The following TMEM132D variants were observed in gnomAD, a reference collection of about 807,000 sequenced individuals.
TMEM132D encodes mature OL transmembrane protein.
TMEM132D carries 21 observed loss-of-function variants against 62.3 expected under a neutral mutation model. That is an observed-to-expected ratio of 0.34 (90% CI 0.24 to 0.49). The LOEUF (loss-of-function observed/expected upper bound fraction) is 0.49, where lower values mean the gene tolerates loss of function less well. Among genes scored for constraint, TMEM132D ranks in the 20% least tolerant of loss-of-function variants. The pLI, the probability that TMEM132D is intolerant of heterozygous loss-of-function variation, is 0.99. For missense variants in TMEM132D, 1,346 were observed against 1,402.8 expected (o/e 0.96, Z 0.65); for synonymous variants, 621 against 575.6 (o/e 1.08, Z -1.13).
intron 3 of TMEM132D, among the ~76,000 whole-genome samples, chr12:129,454,558 C>T (rs148221320): frequency 6.6e-6 from 1 of 152,284 alleles, no homozygotes; most frequent in Non-Finnish European, 1.5e-5. Flanking sequence ...ACTTTACAGG[C>T]AAGTGGACAA....
chr12:129,342,919 G>A (rs901599664), intron 3 of TMEM132D, among the ~76,000 whole-genome samples: 2 of 152,176 alleles, frequency 1.3e-5, no homozygotes, highest in African/African-American at 4.8e-5. Flanking sequence ...TAGAAAGTCA[G>A]GAAACAAGAG....
At chr12:129,563,317 G>A (rs184146617) in intron 2 of TMEM132D, among the ~76,000 whole-genome samples, 23 of 152,298 alleles carry the variant, frequency 1.5e-4, no homozygotes, top group Admixed American at 1.3e-3. Context: ...TGTTTTAGAA[G>A]GCATACAGCT....
At chr12:129,302,852 G>C (rs1050490823) in intron 4 of TMEM132D, among the ~76,000 whole-genome samples, 1 of 152,172 alleles carries the variant, frequency 6.6e-6, no homozygotes, top group Admixed American at 6.5e-5. Context: ...CCAAAGGAAA[G>C]TTGTGGATAT....
intron 3 of TMEM132D, among the ~76,000 whole-genome samples, chr12:129,483,781 C>T (rs1874497447): frequency 6.6e-6 from 1 of 152,178 alleles, no homozygotes; most frequent in Non-Finnish European, 1.5e-5. Flanking sequence ...CATTTCATGG[C>T]TGCGTGAGAG....
chr12:129,845,234 G>A (rs2137347966), intron 1 of TMEM132D, among the ~76,000 whole-genome samples: 1 of 152,176 alleles, frequency 6.6e-6, no homozygotes, highest in South Asian at 2.1e-4. Context: ...ATATCCCAGG[G>A]CTAACTAATA....
At chr12:129,165,357 G>A (rs1335714982) in intron 5 of TMEM132D, among the ~76,000 whole-genome samples, 1 of 152,166 alleles carries the variant, frequency 6.6e-6, no homozygotes, top group African/African-American at 2.4e-5. Flanking sequence ...TTCATGGTGT[G>A]TAAAGTCTAC....
intron 3 of TMEM132D, among the ~76,000 whole-genome samples, chr12:129,492,511 C>A (rs1488196763): frequency 6.6e-6 from 1 of 152,102 alleles, no homozygotes; most frequent in Non-Finnish European, 1.5e-5. Context: ...CATGTAGCCC[C>A]CATTCTCTAA....
chr12:129,896,684 G>T (rs71466464), intron 1 of TMEM132D, among the ~76,000 whole-genome samples: 13,823 of 152,038 alleles, frequency 0.091, 1,271 homozygotes, highest in African/African-American at 0.24. Flanking sequence ...GGAACCTCTT[G>T]TCTTTCCAAA....
intron 3 of TMEM132D, among the ~76,000 whole-genome samples, chr12:129,450,397 C>A (rs533687422): frequency 6.6e-6 from 1 of 152,198 alleles, no homozygotes; most frequent in East Asian, 1.9e-4. Flanking sequence ...GTATAACAAA[C>A]CCCCATGTCG....
chr12:129,367,314 C>T (rs1046174745), intron 3 of TMEM132D, among the ~76,000 whole-genome samples: 9 of 152,112 alleles, frequency 5.9e-5, no homozygotes, highest in African/African-American at 1.4e-4. Context: ...TGGCTAGTGG[C>T]GGGCAGGAAG....
intron 3 of TMEM132D, among the ~76,000 whole-genome samples, chr12:129,486,609 G>T (rs1243129884): frequency 6.6e-6 from 1 of 152,182 alleles, no homozygotes; most frequent in Admixed American, 6.5e-5. Context: ...CCCACTCATT[G>T]TGTGTCCAGG....
At chr12:129,309,880 C>T (rs2135634103) in intron 4 of TMEM132D, among the ~76,000 whole-genome samples, 1 of 152,098 alleles carries the variant, frequency 6.6e-6, no homozygotes, top group Admixed American at 6.5e-5. Flanking sequence ...GATACAAAAG[C>T]CATGGTAGAG....
At chr12:129,502,083 T>A (rs940720255) in intron 3 of TMEM132D, among the ~76,000 whole-genome samples, 3 of 151,954 alleles carry the variant, frequency 2.0e-5, no homozygotes, top group African/African-American at 7.3e-5. Context: ...CACTGCAACC[T>A]CCGCCTCCCG....
chr12:129,721,356 T>C (rs935558665), intron 1 of TMEM132D, among the ~76,000 whole-genome samples: 1 of 152,040 alleles, frequency 6.6e-6, no homozygotes. Flanking sequence ...CTGAATTTTA[T>C]GGGATGCAAA....
rs138853819 is a variant in TMEM132D, at chr12:129,140,912, G to A, written c.1444-56210C>T. ...TCAATAGTTCTTTCCTTCTGATCGC[G>A]AGGAAGCATTCATTTGTAAGCCCGT... On this transcript the variant is annotated intron_variant, in intron 5 of 8. Coordinates refer to ENST00000422113, the MANE Select transcript of TMEM132D (RefSeq NM_133448.3). 1.6e-4 allele frequency among the ~76,000 whole-genome samples: 24 copies of A among 152,130 alleles called. No individual in the cohort carries two copies. The East Asian group carries it at 3.7e-3, about 23-fold the overall frequency.
intron 1 of TMEM132D, among the ~76,000 whole-genome samples, chr12:129,707,813 G>A (rs759245717): frequency 3.3e-4 from 51 of 152,318 alleles, no homozygotes; most frequent in Non-Finnish European, 8.8e-5. Context: ...AATTCAACAG[G>A]AAGAGCCAGA....
At chr12:129,795,738 G>A (rs1462784168) in intron 1 of TMEM132D, among the ~76,000 whole-genome samples, 3 of 152,072 alleles carry the variant, frequency 2.0e-5, no homozygotes, top group Admixed American at 2.0e-4. Flanking sequence ...ACATCTAGAG[G>A]TCTCCTTTAC....
In TMEM132D at chr12:129,465,078, C is replaced by T. The variant is rs185336536; in HGVS notation, c.1115+65981G>A. 7.8e-3 allele frequency among the ~76,000 whole-genome samples: 1,187 copies of T among 152,104 alleles called. 19 individuals are homozygous for T. Among genetic ancestry groups the T allele is most frequent in the African/African-American group, 0.027 (1,135 of 41,468 alleles). On this transcript the variant is annotated intron_variant, in intron 3 of 8. Coordinates refer to ENST00000422113, the MANE Select transcript of TMEM132D (RefSeq NM_133448.3). ...ACCTTGGGCAGTATGGGCATTTTCACGATATTGATTCTTCCTACCCATGAG... is the reference window on the plus strand; with the variant it reads ...ACCTTGGGCAGTATGGGCATTTTCATGATATTGATTCTTCCTACCCATGAG...
At chr12:129,527,707 T>C (rs534758338) in intron 3 of TMEM132D, among the ~76,000 whole-genome samples, 2 of 152,322 alleles carry the variant, frequency 1.3e-5, no homozygotes, top group South Asian at 2.1e-4. Context: ...TAAGTTAACA[T>C]AGGAGTATAC....
Sources: allele counts gnomAD v4.1 joint callset (sites outside exome capture counted in the v4.1 genomes callset), GRCh38; gene constraint gnomAD v4.1.1; transcripts MANE v1.5; gene names NCBI Gene and HGNC (gene_info 2026-07-23, HGNC 2026-07-21).